The following EXPH5 variants were observed in gnomAD, a reference collection of about 807,000 sequenced individuals.
The protein encoded by EXPH5 is exophilin-5.
Under a neutral mutation model 41.1 loss-of-function variants are expected in EXPH5, and 42 were observed. The ratio of observed to expected loss-of-function variants is 1.02; its 90% CI spans 0.80 to 1.32. The LOEUF (loss-of-function observed/expected upper bound fraction) is 1.32. Ranked by LOEUF, EXPH5 falls within the 40% of genes most tolerant of loss-of-function variation. EXPH5 has a pLI of 0.00. For missense variants in EXPH5, 2,298 were observed against 2,314.5 expected (o/e 0.99, Z 0.15); for synonymous variants, 798 against 833.5 (o/e 0.96, Z 0.73).
chr11:108,512,836 T>C lies in EXPH5; in HGVS notation c.2671A>G (p.Lys891Glu). 2 of 1,614,214 alleles carry C rather than the reference T, an allele frequency of 1.2e-6. No individual in the cohort carries two copies. The highest frequency in any genetic ancestry group is 1.7e-6 in the Non-Finnish European group (2 of 1,180,030). The change falls in exon 6 of 6, where the codon AAG (lysine) becomes GAG (glutamate). Residue 891 changes from lysine (K) to glutamate (E), a missense_variant. Physicochemically the swap from Lys to Glu is moderately conservative, Grantham distance 56 (BLOSUM62 1). Transcript: ENST00000265843. ...SAALPDSSPS[K>E]NSSLDAPVVP... is the part of the protein sequence containing the mutation. ...ACAGGAGCATCAAGGGAAGAATTCTTTGATGGTGAGGAATCTGGTAGTGCA... is the reference window on the plus strand; with the variant it reads ...ACAGGAGCATCAAGGGAAGAATTCTCTGATGGTGAGGAATCTGGTAGTGCA...
At position 108,511,748 on chromosome 11, in the gene EXPH5, A is replaced by C. The variant is rs1192669337; in HGVS notation, c.3759T>G (p.Tyr1253Ter). ...TGCTGGGTTTCCTCGGTAGAGTGTA[A>C]TATATTGAGACCACCTCCAGACATT... is the stretch of plus-strand genomic sequence containing the variant. ...NVKCLEVVSI[Y>*]YTLPRKPSKK... Residue 1253 changes from tyrosine to a stop codon, truncating the protein, a stop_gained, in exon 6 of 6, where the codon TAT (tyrosine) becomes TAG (stop). Transcript: ENST00000265843. LOFTEE classifies it low-confidence loss of function (END_TRUNC). 6.2e-7 allele frequency: 1 copy of C among 1,612,324 alleles called. No homozygotes were observed. Among genetic ancestry groups the C allele is most frequent in the East Asian group, 2.2e-5 (1 of 44,874 alleles).
In EXPH5 at chr11:108,511,192, G is replaced by C. The variant is rs1269804162; in HGVS notation, c.4315C>G (p.Gln1439Glu). The C allele has an allele frequency of 1.2e-6, 2 of 1,612,908 alleles. No individual in the cohort carries two copies. Among genetic ancestry groups the C allele is most frequent in the Non-Finnish European group, 1.7e-6 (2 of 1,179,800 alleles). Residue 1439 changes from glutamine to glutamate, a missense_variant, in exon 6 of 6, where the codon CAA becomes GAA. Transcript: ENST00000265843. The stretch of plus-strand genomic sequence containing the variant: ...CACTCCCAAGAACTTCTTCTAGTTT[G>C]GGAATTTCCAATATTAACTTCTGAA... ...ALSEVNIGNSQTRRSSWECTG... is the reference protein window; with the variant it reads ...ALSEVNIGNSETRRSSWECTG...
At chr11:108,594,606 G>C (rs1293910083), upstream of EXPH5, among the ~76,000 whole-genome samples, 11 of 151,878 alleles carry the variant, frequency 7.2e-5, no homozygotes, top group Non-Finnish European at 1.6e-4. Flanking sequence ...AATTATCAAG[G>C]CTTTTACAGA....
At chr11:108,597,669 A>G (rs187508535), upstream of EXPH5, among the ~76,000 whole-genome samples, 5 of 152,340 alleles carry the variant, frequency 3.3e-5, no homozygotes, top group Admixed American at 3.3e-4. Context: ...AGTAACAACA[A>G]ATCAGAGGTA....
intron 1 of EXPH5, among the ~76,000 whole-genome samples, chr11:108,565,639 C>T (rs966881152): frequency 1.4e-4 from 22 of 152,188 alleles, no homozygotes; most frequent in Admixed American, 9.8e-4. Context: ...TCCGAGCTTA[C>T]GTGAGGGTGC....
At position 108,512,752 on chromosome 11, in the gene EXPH5, C is replaced by T. The variant is rs1056095478; in HGVS notation, c.2755G>A (p.Gly919Arg). 5.6e-6 allele frequency: 9 copies of T among 1,613,552 alleles called. No individual in the cohort carries two copies. In the African/African-American group the frequency reaches 1.1e-4, roughly 19 times the overall value. Residue 919 changes from glycine to arginine, a missense_variant, in exon 6 of 6, where the codon GGA becomes AGA. Transcript: ENST00000265843. ...RSPSDKDPSLGEREEKDNAGK... is the reference protein window; with the variant it reads ...RSPSDKDPSLREREEKDNAGK... ...GCATTGTCTTTTTCTTCTCTTTCTC[C>T]TAGCGATGGATCTTTGTCTGAAGGA...
chr11:108,564,382 T>C (rs890674422), intron 1 of EXPH5, among the ~76,000 whole-genome samples: 11 of 152,194 alleles, frequency 7.2e-5, no homozygotes, highest in African/African-American at 2.2e-4. Context: ...ATGTCAGTTA[T>C]GTATGCCTGC....
At chr11:108,556,214 G>T (rs901821161) in intron 1 of EXPH5, among the ~76,000 whole-genome samples, 1 of 151,804 alleles carries the variant, frequency 6.6e-6, no homozygotes, top group Non-Finnish European at 1.5e-5. Context: ...TCCTTGTAAG[G>T]GTTAAAGCAG....
chr11:108,529,135 T>G (rs2093819736), intron 3 of EXPH5, among the ~76,000 whole-genome samples: 1 of 143,562 alleles, frequency 7.0e-6, no homozygotes, highest in African/African-American at 2.6e-5. Flanking sequence ...TAATTTAAAG[T>G]AAAAAAAAAA....
intron 5 of EXPH5, among the ~76,000 whole-genome samples, chr11:108,516,492 A>G (rs1565784776): frequency 6.6e-6 from 1 of 152,168 alleles, no homozygotes; most frequent in Admixed American, 6.5e-5. Context: ...TCTAAGACCC[A>G]CTCTATAATA....
chr11:108,556,245 G>A (rs962756311), intron 1 of EXPH5, among the ~76,000 whole-genome samples: 1 of 151,848 alleles, frequency 6.6e-6, no homozygotes, highest in Non-Finnish European at 1.5e-5. Context: ...CTTATCATGC[G>A]GGTGTTGCCT....
Position 108,509,459 on chromosome 11 carries a change from C to CCATGCA in EXPH5, c.*72_*77dup. 1 of 1,350,048 alleles carries CCATGCA rather than the reference C, an allele frequency of 7.4e-7. No individual in the cohort carries two copies. Among genetic ancestry groups the CCATGCA allele is most frequent in the Non-Finnish European group, 1.0e-6 (1 of 996,496 alleles). 83.6% of individuals were successfully genotyped at this position (1,350,048 alleles called of 1,614,324 possible). On this transcript the variant is annotated 3_prime_UTR_variant, in exon 6 of 6. Transcript: ENST00000265843. Reference sequence around the variant, plus strand: ...TGCCCAGACTAGATCTTTTATCCTTCCATGCACATGCACATGTACACCTTA... The same window carrying CCATGCA: ...TGCCCAGACTAGATCTTTTATCCTTCCATGCACATGCACATGCACATGTACACCTTA...
At chr11:108,522,490 T>G (rs566101033) in intron 4 of EXPH5, among the ~76,000 whole-genome samples, 5 of 152,172 alleles carry the variant, frequency 3.3e-5, no homozygotes, top group Non-Finnish European at 5.9e-5. Context: ...TTGGTCACAC[T>G]GGTGGAGGGA....
chr11:108,561,351 C>CTCGTTTTGTT (rs1555197088), intron 1 of EXPH5, among the ~76,000 whole-genome samples: 7 of 150,674 alleles, frequency 4.6e-5, no homozygotes, highest in African/African-American at 1.7e-4. Flanking sequence ...TTCCCTCCAT[C>CTCGTTTTGTT]TTGTTTTGTT....
At chr11:108,533,075 T>C (rs1183292106) in intron 3 of EXPH5, among the ~76,000 whole-genome samples, 2 of 152,236 alleles carry the variant, frequency 1.3e-5, no homozygotes, top group Non-Finnish European at 2.9e-5. Flanking sequence ...CCTGTACGAC[T>C]TCTGCTCTTC....
chr11:108,562,266 T>G (rs1453017492), intron 1 of EXPH5, among the ~76,000 whole-genome samples: 2 of 80,592 alleles, frequency 2.5e-5, no homozygotes, highest in South Asian at 3.5e-4. Flanking sequence ...TTTTTCTGTG[T>G]TTTTTTTTTT....
Position 108,514,132 on chromosome 11 carries a change from T to C in EXPH5, c.1375A>G (p.Arg459Gly). Residue 459 changes from arginine (R) to glycine (G), a missense_variant, in exon 6 of 6, where the codon AGA becomes GGA. By Grantham distance (125) the Arg-to-Gly change is moderately radical. Coordinates refer to ENST00000265843, the MANE Select transcript of EXPH5 (RefSeq NM_015065.3). The part of the protein sequence containing the change: ...PFYHQSNTFT[R>G]SFFSNTFGRS... ...CCAAAGGTATTGCTGAAGAAAGATC[T>C]GGTAAATGTGTTGCTTTGATGGTAG... The C allele has an allele frequency of 2.5e-6, 4 of 1,613,730 alleles. No individual in the cohort carries two copies. Among genetic ancestry groups the C allele is most frequent in the South Asian group, 1.1e-5 (1 of 90,966 alleles).
chr11:108,602,890 A>G, the EXPH5 span, among the ~76,000 whole-genome samples: 1 of 152,176 alleles, frequency 6.6e-6, no homozygotes, highest in Non-Finnish European at 1.5e-5. Context: ...CCCAACCCAA[A>G]TCTCGTCTCA....
intron 4 of EXPH5, among the ~76,000 whole-genome samples, chr11:108,521,490 T>C (rs902783506): frequency 6.6e-6 from 1 of 152,170 alleles, no homozygotes; most frequent in African/African-American, 2.4e-5. Flanking sequence ...GATAACTTAT[T>C]GGTCACTGAA....
Sources: allele counts gnomAD v4.1 joint callset (sites outside exome capture counted in the v4.1 genomes callset), GRCh38; gene constraint gnomAD v4.1.1; transcripts MANE v1.5; gene names NCBI Gene and HGNC (gene_info 2026-07-23, HGNC 2026-07-21).